The following APBA2 variants were observed in gnomAD, a reference collection of about 807,000 sequenced individuals.
APBA2 encodes amyloid-beta A4 precursor protein-binding family A member 2.
APBA2 carries 30 observed loss-of-function variants against 75.0 expected under a neutral mutation model. The observed-to-expected ratio is 0.40, with a 90% CI of 0.30 to 0.54. The LOEUF is 0.54. Among genes scored for constraint, APBA2 ranks in the 20% least tolerant of loss-of-function variants. APBA2 has a pLI of 0.49. For missense variants in APBA2, 801 were observed against 1,016.1 expected, an observed-to-expected ratio of 0.79 and a Z score of 2.88; for synonymous variants, 444 against 409.6, an observed-to-expected ratio of 1.08 and a Z score of -1.01.
chr15:29,113,080 A>G (rs546549234), intron 13 of APBA2, among the ~76,000 whole-genome samples: 11 of 152,252 alleles, frequency 7.2e-5, no homozygotes, highest in African/African-American at 2.6e-4. Flanking sequence ...CCTAGAGCAC[A>G]TTCTGTTTCT....
chr15:28,973,164 T>C (rs940342528), intron 2 of APBA2, among the ~76,000 whole-genome samples: 1 of 152,214 alleles, frequency 6.6e-6, no homozygotes, highest in Non-Finnish European at 1.5e-5. Flanking sequence ...TCTGTTTGGA[T>C]AGCAGATTAG....
intron 2 of APBA2, among the ~76,000 whole-genome samples, chr15:28,993,998 T>TGA (rs2038375817): frequency 6.6e-6 from 1 of 152,070 alleles, no homozygotes; most frequent in Non-Finnish European, 1.5e-5. Context: ...TGTAACAGAG[T>TGA]GAGGAACTGA....
chr15:28,964,236 A>G (rs1475900918), intron 2 of APBA2, among the ~76,000 whole-genome samples: 1 of 152,188 alleles, frequency 6.6e-6, no homozygotes, highest in Non-Finnish European at 1.5e-5. Context: ...TTGCCAAACT[A>G]TTTTCCAGAG....
intron 3 of APBA2, among the ~76,000 whole-genome samples, chr15:29,036,355 A>C (rs1465384409): frequency 6.6e-6 from 1 of 152,156 alleles, no homozygotes. Context: ...AGGGAGGATG[A>C]GCATCACCTG....
In APBA2 at chr15:29,117,299, C is replaced by CA. The variant is rs1376057786; in HGVS notation, c.*171dup. 3 of 635,226 alleles carry CA rather than the reference C, an allele frequency of 4.7e-6. No individual in the cohort carries two copies. The highest frequency in any genetic ancestry group is 8.4e-6 in the Non-Finnish European group (3 of 358,364). The allele number at this position is 635,226 out of a possible 1,614,324, so 39.3% of individuals were successfully genotyped here. A position where few individuals can be genotyped will look rare whatever the true frequency, so the allele number is the denominator to read the frequency against. ...ACCCACTTGATTTTTTTCATTTTGC[C>CA]AAAAAGGGGTATGTCTTTATCAAAG... is the stretch of plus-strand genomic sequence containing the variant. On this transcript the variant is annotated 3_prime_UTR_variant, in exon 15 of 15. Transcript: ENST00000683413.
At chr15:29,044,652 A>G (rs930706763) in intron 3 of APBA2, among the ~76,000 whole-genome samples, 2 of 152,176 alleles carry the variant, frequency 1.3e-5, no homozygotes, top group South Asian at 2.1e-4. Context: ...CACTGTATGC[A>G]GCAAAGACAG....
chr15:28,887,175 A>C (rs2031800786), intron 1 of APBA2, among the ~76,000 whole-genome samples: 1 of 152,120 alleles, frequency 6.6e-6, no homozygotes, highest in South Asian at 2.1e-4. Context: ...ACCAGACATA[A>C]ATCTGTGGTT....
At chr15:28,920,798 C>A (rs76038216) in intron 1 of APBA2, among the ~76,000 whole-genome samples, 2,561 of 152,206 alleles carry the variant, frequency 0.017, 74 homozygotes, top group African/African-American at 0.059. Flanking sequence ...GAGCTGGAGC[C>A]TGAACCCCCA....
At chr15:29,049,765 T>G (rs2041508901) in intron 3 of APBA2, among the ~76,000 whole-genome samples, 2 of 152,092 alleles carry the variant, frequency 1.3e-5, no homozygotes, top group Non-Finnish European at 2.9e-5. Context: ...CAAAGACAGG[T>G]CACATGCTAT....
chr15:29,106,884 G>GCTGCAATCCCCACTTCA (rs1013995908), intron 12 of APBA2, 65 bp downstream of exon 12: 18 of 1,485,144 alleles, frequency 1.2e-5, no homozygotes, highest in Middle Eastern at 3.4e-4. Flanking sequence ...TCCCCACTTT[G>GCTGCAATCCCCACTTCA]CTGCAATCCC....
chr15:29,004,552 C>T (rs1360906008), intron 3 of APBA2, among the ~76,000 whole-genome samples: 2 of 152,134 alleles, frequency 1.3e-5, no homozygotes, highest in Non-Finnish European at 2.9e-5. Context: ...CTTCCTCCAT[C>T]CTGGGCCTCT....
chr15:28,901,500 C>T (rs539284554), intron 1 of APBA2, among the ~76,000 whole-genome samples: 1 of 152,322 alleles, frequency 6.6e-6, no homozygotes, highest in East Asian at 1.9e-4. Context: ...GGTGGGTTTT[C>T]AGTATGTGGT....
intron 2 of APBA2, among the ~76,000 whole-genome samples, chr15:28,987,593 G>C (rs1194486149): frequency 1.3e-5 from 2 of 151,536 alleles, no homozygotes; most frequent in South Asian, 2.1e-4. Flanking sequence ...TTTATGACCT[G>C]GTCTCATTAG....
intron 3 of APBA2, among the ~76,000 whole-genome samples, chr15:29,002,731 T>C (rs1053802138): frequency 6.6e-6 from 1 of 151,918 alleles, no homozygotes; most frequent in East Asian, 1.9e-4. Flanking sequence ...CATGGGTTAA[T>C]GCGAGGCTGG....
chr15:29,101,574 C>T (rs776983304), intron 9 of APBA2, 25 bp from the exon 10 acceptor site: 11 of 1,607,954 alleles, frequency 6.8e-6, no homozygotes, highest in African/African-American at 4.0e-5. Flanking sequence ...TGTTCCCTGA[C>T]GTGGCACTGT....
At chr15:28,951,791 C>T (rs2035889978) in intron 2 of APBA2, among the ~76,000 whole-genome samples, 2 of 151,460 alleles carry the variant, frequency 1.3e-5, no homozygotes, top group South Asian at 4.2e-4. Flanking sequence ...CCATGTTGGC[C>T]AGGATGGTCT....
intron 1 of APBA2, among the ~76,000 whole-genome samples, chr15:28,889,236 C>T (rs2031969772): frequency 6.6e-6 from 1 of 152,194 alleles, no homozygotes. Context: ...ATCTTCCCCT[C>T]TCTCCCTGTC....
chr15:29,117,107 G>A lies in APBA2; in HGVS notation c.2224G>A (p.Gly742Ser), dbSNP rs1325363245. 6.2e-7 allele frequency: 1 copy of A among 1,613,280 alleles called. No homozygotes were observed. Among genetic ancestry groups the A allele is most frequent in the Non-Finnish European group, 8.5e-7 (1 of 1,179,988 alleles). ...MPAAMFRLLT[G>S]QETPLYI ...CGCCGCCATGTTCAGGCTCCTCACGGGTCAGGAGACCCCGCTGTACATCTA... is the reference window on the plus strand; with the variant it reads ...CGCCGCCATGTTCAGGCTCCTCACGAGTCAGGAGACCCCGCTGTACATCTA... The change falls in exon 15 of 15, where the codon GGT (glycine) becomes AGT (serine). Residue 742 changes from glycine to serine, a missense_variant. Transcript: ENST00000683413.
chr15:28,964,568 A>G (rs769025091), intron 2 of APBA2, among the ~76,000 whole-genome samples: 21 of 150,882 alleles, frequency 1.4e-4, no homozygotes, highest in Non-Finnish European at 2.9e-4. Flanking sequence ...GCTCACTGCA[A>G]CCTCCGCCTC....
Sources: allele counts gnomAD v4.1 joint callset (sites outside exome capture counted in the v4.1 genomes callset), GRCh38; gene constraint gnomAD v4.1.1; transcripts MANE v1.5; gene names NCBI Gene and HGNC (gene_info 2026-07-23, HGNC 2026-07-21).